Variants in EXT1 observed in about 807,000 individuals in gnomAD.
EXT1 encodes exostosin-1.
Under a neutral mutation model 82.5 loss-of-function variants are expected in EXT1, and 20 were observed. That is an observed-to-expected ratio of 0.24 (90% confidence interval 0.17 to 0.35). The LOEUF (loss-of-function observed/expected upper bound fraction) is 0.35, where lower values mean the gene tolerates loss of function less well. EXT1 is among the 10% of genes least tolerant of loss of function. The pLI is 1.00. For synonymous variants in EXT1, 348 were observed against 350.8 expected (o/e 0.99, Z 0.09); for missense variants, 757 against 936.5 (o/e 0.81, Z 2.50).
intron 1 of EXT1, among the ~76,000 whole-genome samples, chr8:118,095,441 C>G (rs1283068802): frequency 6.6e-6 from 1 of 152,090 alleles, no homozygotes; most frequent in Admixed American, 6.5e-5. Flanking sequence ...GACTGACTGC[C>G]CTGCATTGAC....
intron 1 of EXT1, among the ~76,000 whole-genome samples, chr8:117,864,565 C>T (rs376341545): frequency 3.3e-5 from 5 of 151,102 alleles, no homozygotes; most frequent in Non-Finnish European, 5.9e-5. Context: ...CTGGCTAACA[C>T]GGTGAAACCC....
chr8:118,002,528 CTTTTTTTTTTT>C (rs60354141), intron 1 of EXT1, among the ~76,000 whole-genome samples: 10 of 87,098 alleles, frequency 1.1e-4, no homozygotes, highest in African/African-American at 2.4e-4. Context: ...GAATATTTTT[CTTTTTTTTTTT>C]TTTTTTTTTT....
rs1586253940 is a variant in EXT1 at position 117,870,715 on chromosome 8, C to A, written c.963-33514G>T. ...GAAAATACAGATGAACTTTACCATT[C>A]CACAAAGGATAAAGGGATTGGGAGC... On this transcript the variant is annotated intron_variant, in intron 1 of 10. Transcript: ENST00000378204. 2.0e-5 allele frequency among the ~76,000 whole-genome samples: 3 copies of A among 152,066 alleles called. No homozygotes were observed. The East Asian group carries it at 5.8e-4, about 30-fold the overall frequency.
rs138526685 is a variant in EXT1 at position 117,853,148 on chromosome 8, C to T, written c.963-15947G>A. Among the ~76,000 whole-genome samples the T allele has an allele frequency of 2.7e-3, 411 of 152,282 alleles. 3 individuals carry two copies. Among genetic ancestry groups the T allele is most frequent in the East Asian group, 0.013 (69 of 5,186 alleles). On this transcript the variant is annotated intron_variant, in intron 1 of 10. Coordinates refer to ENST00000378204, the MANE Select transcript of EXT1 (RefSeq NM_000127.3). ...AAGTATGTGTACCATAATTAGTCAT[C>T]TCAAAAAGTCAAAAATATTTTGCTG... is the stretch of plus-strand genomic sequence containing the variant.
chr8:118,013,242 C>T (rs531812523), intron 1 of EXT1, among the ~76,000 whole-genome samples: 45 of 152,120 alleles, frequency 3.0e-4, no homozygotes, highest in South Asian at 1.2e-3. Context: ...CAGAGTCTCA[C>T]TCTGTCACCA....
Position 117,858,810 on chromosome 8 carries a change from C to CAGGA in EXT1, c.963-21613_963-21610dup, listed in dbSNP as rs71307408. ...GCAGGCAAGGCAAGGCAAGGCAAGGCAGGAAGGAAGGAAGGAAGGAAGGAA... is the reference window on the plus strand; with the variant it reads ...GCAGGCAAGGCAAGGCAAGGCAAGGCAGGAAGGAAGGAAGGAAGGAAGGAAGGAA... On this transcript the variant is annotated intron_variant, in intron 1 of 10. Coordinates refer to ENST00000378204, the MANE Select transcript of EXT1 (RefSeq NM_000127.3). Among the ~76,000 whole-genome samples, 49 of 34,362 alleles carry CAGGA rather than the reference C, an allele frequency of 1.4e-3. 5 individuals carry two copies. The highest frequency in any genetic ancestry group is 5.6e-3 in the African/African-American group (42 of 7,484). The allele number at this position is 34,362 out of a possible 152,430, so 22.5% of individuals were successfully genotyped here.
chr8:118,110,008 C>G, intron 1 of EXT1, 77 bp downstream of exon 1: 1 of 1,599,468 alleles, frequency 6.3e-7, no homozygotes. Context: ...CTCACCCCAT[C>G]CCCCAACTTC....
At chr8:117,963,254 C>T (rs964875118) in intron 1 of EXT1, among the ~76,000 whole-genome samples, 1 of 152,108 alleles carries the variant, frequency 6.6e-6, no homozygotes, top group Admixed American at 6.6e-5. Flanking sequence ...GTGGTTTTCC[C>T]GACCAGCTTG....
chr8:117,869,033 C>T (rs906219893), intron 1 of EXT1, among the ~76,000 whole-genome samples: 1 of 152,148 alleles, frequency 6.6e-6, no homozygotes, highest in Non-Finnish European at 1.5e-5. Context: ...TCACTTTTTG[C>T]ACAACTCTAT....
At chr8:117,963,826 A>G (rs1202595252) in intron 1 of EXT1, among the ~76,000 whole-genome samples, 1 of 152,054 alleles carries the variant, frequency 6.6e-6, no homozygotes, top group Non-Finnish European at 1.5e-5. Flanking sequence ...ACAACAGCAA[A>G]AGAGTAACAC....
intron 1 of EXT1, among the ~76,000 whole-genome samples, chr8:118,062,303 G>A (rs1346109204): frequency 1.3e-5 from 2 of 152,160 alleles, no homozygotes; most frequent in Admixed American, 6.5e-5. Context: ...TTCAATCTCC[G>A]GTTAGCCTAG....
At chr8:118,002,037 T>C (rs1178150003) in intron 1 of EXT1, among the ~76,000 whole-genome samples, 1 of 152,182 alleles carries the variant, frequency 6.6e-6, no homozygotes, top group Non-Finnish European at 1.5e-5. Flanking sequence ...TTGAAAGACT[T>C]TTTTAGACAA....
Position 118,022,837 on chromosome 8 carries a change from T to G in EXT1, c.962+87248A>C, listed in dbSNP as rs964551280. 3.3e-5 allele frequency among the ~76,000 whole-genome samples: 5 copies of G among 152,178 alleles called. No homozygotes were observed. The South Asian group carries it at 1.0e-3, about 31-fold the overall frequency. On this transcript the variant is annotated intron_variant, in intron 1 of 10. Coordinates refer to ENST00000378204, the MANE Select transcript of EXT1 (RefSeq NM_000127.3). Reference sequence around the variant, plus strand: ...AAAAGAAAGTATGTTCTATCATTTATGGAGGTAATGCCTGGGGAAGGCAGT... The same window carrying G: ...AAAAGAAAGTATGTTCTATCATTTAGGGAGGTAATGCCTGGGGAAGGCAGT...
rs542380572 is a variant in EXT1 at position 118,011,753 on chromosome 8, G to A, written c.962+98332C>T. On this transcript the variant is annotated intron_variant, in intron 1 of 10. Transcript: ENST00000378204. ...GCTTTCATTTGGTTTTCCCAAGATC[G>A]GGCTCCCCTGTGACATGTCTCCATG... 4.7e-4 allele frequency among the ~76,000 whole-genome samples: 71 copies of A among 152,216 alleles called. 1 individual carries two copies. The highest frequency in any genetic ancestry group is 6.8e-3 in the Middle Eastern group (2 of 294).
rs374414520 is a variant in EXT1, at chr8:118,091,730, G to A, written c.962+18355C>T. Among the ~76,000 whole-genome samples, 4 of 152,114 alleles carry A rather than the reference G, an allele frequency of 2.6e-5. No individual in the cohort carries two copies. The South Asian group carries it at 6.2e-4, about 24-fold the overall frequency. On this transcript the variant is annotated intron_variant, in intron 1 of 10. Coordinates refer to ENST00000378204, the MANE Select transcript of EXT1 (RefSeq NM_000127.3). Reference sequence around the variant, plus strand: ...ATTGCACTCCAGCCTGGGCGACAGAGCGAGACTCCATCTCACAAAAATAAA... The same window carrying A: ...ATTGCACTCCAGCCTGGGCGACAGAACGAGACTCCATCTCACAAAAATAAA...
At chr8:117,855,860 G>C (rs958230984) in intron 1 of EXT1, among the ~76,000 whole-genome samples, 1 of 152,112 alleles carries the variant, frequency 6.6e-6, no homozygotes, top group Non-Finnish European at 1.5e-5. Context: ...AGTAGAGACA[G>C]GGTTTCACTA....
intron 1 of EXT1, among the ~76,000 whole-genome samples, chr8:118,013,650 T>G (rs190977293): frequency 6.6e-6 from 1 of 152,266 alleles, no homozygotes; most frequent in East Asian, 1.9e-4. Flanking sequence ...GATCATACAA[T>G]CTGAAAACCC....
At chr8:118,079,050 A>G (rs538632429) in intron 1 of EXT1, among the ~76,000 whole-genome samples, 7 of 152,350 alleles carry the variant, frequency 4.6e-5, no homozygotes, top group African/African-American at 1.7e-4. Flanking sequence ...TAAAAATGTT[A>G]CTAAAAATAC....
At chr8:117,801,387 T>C (rs775129794) in intron 10 of EXT1, among the ~76,000 whole-genome samples, 30 of 152,220 alleles carry the variant, frequency 2.0e-4, no homozygotes, top group African/African-American at 7.2e-4. Context: ...TGAGGGGAAC[T>C]CTACTTGATA....
Sources: gnomAD v4.1 joint callset for allele counts (sites outside exome capture counted in the v4.1 genomes callset) on GRCh38, gnomAD v4.1.1 for gene constraint, MANE v1.5 for transcripts, NCBI Gene and HGNC (gene_info 2026-07-23, HGNC 2026-07-21) for gene names.